The following NKAIN3 variants were observed in gnomAD, a reference collection of about 807,000 sequenced individuals.
The protein encoded by NKAIN3 is sodium/potassium transporting ATPase interacting 3.
In NKAIN3, 25 loss-of-function variants were observed where a neutral mutation model predicts 30.2. That is an observed-to-expected ratio of 0.83 (90% CI 0.60 to 1.16). The LOEUF is 1.16. Among genes scored for constraint, NKAIN3 ranks in the 50% most tolerant of loss-of-function variants. NKAIN3 has a pLI of 0.00. For synonymous variants in NKAIN3, 91 were observed against 89.6 expected (o/e 1.02, Z -0.09); for missense variants, 225 against 254.1 (o/e 0.89, Z 0.78).
intron 4 of NKAIN3, among the ~76,000 whole-genome samples, chr8:62,779,468 G>T (rs1817290298): frequency 6.6e-6 from 1 of 151,972 alleles, no homozygotes; most frequent in Admixed American, 6.6e-5. Flanking sequence ...TTCCAGTGTT[G>T]CTTTCCACTG....
At chr8:62,337,252 T>C (rs865814253) in intron 1 of NKAIN3, among the ~76,000 whole-genome samples, 1 of 152,126 alleles carries the variant, frequency 6.6e-6, no homozygotes, top group South Asian at 2.1e-4. Flanking sequence ...CTTCCTCCCA[T>C]ATTGAAAAGG....
At chr8:62,681,507 G>A (rs183493009) in intron 3 of NKAIN3, among the ~76,000 whole-genome samples, 123 of 152,236 alleles carry the variant, frequency 8.1e-4, no homozygotes, top group African/African-American at 2.7e-3. Flanking sequence ...TGGTTTACCA[G>A]TAAAACTATT....
chr8:62,482,761 T>A (rs989376044), intron 1 of NKAIN3: 1 of 152,060 alleles, frequency 6.6e-6, no homozygotes, highest in African/African-American at 2.4e-5. Flanking sequence ...CGTGCTAGAG[T>A]TCAATCATGC....
chr8:62,685,907 G>C (rs758180054), intron 3 of NKAIN3, among the ~76,000 whole-genome samples: 3 of 152,048 alleles, frequency 2.0e-5, no homozygotes, highest in Non-Finnish European at 4.4e-5. Context: ...TCTCTCCAAA[G>C]CTTTCCTCAT....
chr8:62,972,034 A>G lies in NKAIN3; in HGVS notation c.*6627A>G, dbSNP rs11993022. Among the ~76,000 whole-genome samples, 16,149 of 152,240 alleles carry G rather than the reference A, an allele frequency of 0.11. 896 individuals carry two copies. Among genetic ancestry groups the G allele is most frequent in the South Asian group, 0.17 (824 of 4,832 alleles). ...GCTTGGTCCTCATTGTGCTGCCACAATAAATTAATTCTTCTATGGTCATAA... is the reference window on the plus strand; with the variant it reads ...GCTTGGTCCTCATTGTGCTGCCACAGTAAATTAATTCTTCTATGGTCATAA... On this transcript the variant is annotated 3_prime_UTR_variant, in exon 7 of 7. Coordinates refer to ENST00000623646, the MANE Select transcript of NKAIN3 (RefSeq NM_001304533.3).
chr8:62,960,783 GA>G (rs1823550325), intron 6 of NKAIN3, among the ~76,000 whole-genome samples: 2 of 150,226 alleles, frequency 1.3e-5, no homozygotes, highest in South Asian at 4.2e-4. Flanking sequence ...AATAGAAAAA[GA>G]AACATTTACA....
At chr8:62,931,515 A>C (rs1177612586) in intron 5 of NKAIN3, among the ~76,000 whole-genome samples, 3 of 152,192 alleles carry the variant, frequency 2.0e-5, no homozygotes, top group African/African-American at 7.2e-5. Context: ...TCTATAGTTA[A>C]TTTCATGTGT....
intron 1 of NKAIN3, among the ~76,000 whole-genome samples, chr8:62,364,444 C>G (rs1336822073): frequency 6.6e-6 from 1 of 152,086 alleles, no homozygotes; most frequent in Non-Finnish European, 1.5e-5. Flanking sequence ...TTTGTTGGCC[C>G]TGCACCTAGC....
intron 1 of NKAIN3, among the ~76,000 whole-genome samples, chr8:62,488,262 C>G (rs1380013234): frequency 6.6e-6 from 1 of 152,098 alleles, no homozygotes; most frequent in African/African-American, 2.4e-5. Flanking sequence ...CTGGAAACAT[C>G]CCAGGCTCTG....
At position 62,350,751 on chromosome 8, in the gene NKAIN3, C is replaced by T. The variant is rs962154687; in HGVS notation, c.54+101624C>T. On this transcript the variant is annotated intron_variant, in intron 1 of 6. Coordinates refer to ENST00000623646, the MANE Select transcript of NKAIN3 (RefSeq NM_001304533.3). ...TGTTGCCTAGGATGGAGGGCAGTGGCGCAATCTTGGCTCACAGCAACCTCT... is the reference window on the plus strand; with the variant it reads ...TGTTGCCTAGGATGGAGGGCAGTGGTGCAATCTTGGCTCACAGCAACCTCT... Among the ~76,000 whole-genome samples the T allele has an allele frequency of 5.3e-5, 8 of 152,010 alleles. No homozygotes were observed. The East Asian group carries it at 7.7e-4, about 15-fold the overall frequency.
intron 3 of NKAIN3, among the ~76,000 whole-genome samples, chr8:62,637,130 C>T (rs1812155469): frequency 6.6e-6 from 1 of 152,150 alleles, no homozygotes. Context: ...TAACAGCAGA[C>T]ATAACTAGGT....
intron 1 of NKAIN3, among the ~76,000 whole-genome samples, chr8:62,546,512 C>A (rs1459677406): frequency 1.3e-5 from 2 of 152,266 alleles, no homozygotes; most frequent in East Asian, 3.9e-4. Context: ...CAAGTAGGCA[C>A]CCATTGTGCT....
intron 1 of NKAIN3, among the ~76,000 whole-genome samples, chr8:62,443,187 A>G (rs941099028): frequency 1.3e-5 from 2 of 151,870 alleles, no homozygotes; most frequent in African/African-American, 2.4e-5. Context: ...ACAATTGTTC[A>G]TGAACAATTG....
chr8:62,810,638 G>GTTTTTTTTTTTTTT (rs3032376), intron 4 of NKAIN3, among the ~76,000 whole-genome samples: 2 of 120,200 alleles, frequency 1.7e-5, no homozygotes, highest in Admixed American at 8.8e-5. Context: ...TAGGTAGAAA[G>GTTTTTTTTTTTTTT]TTTTTTTTTT....
At chr8:62,274,841 C>A (rs947060133) in intron 1 of NKAIN3, among the ~76,000 whole-genome samples, 2 of 150,128 alleles carry the variant, frequency 1.3e-5, no homozygotes, top group African/African-American at 2.5e-5. Context: ...TGAGAACATG[C>A]AGTGTTTGGT....
At chr8:62,591,119 A>G (rs1810637650) in intron 3 of NKAIN3, among the ~76,000 whole-genome samples, 1 of 151,938 alleles carries the variant, frequency 6.6e-6, no homozygotes, top group African/African-American at 2.4e-5. Context: ...TGCATTTTGT[A>G]TCTTGCGATT....
chr8:62,401,208 A>G (rs571714440), intron 1 of NKAIN3, among the ~76,000 whole-genome samples: 1 of 152,044 alleles, frequency 6.6e-6, no homozygotes, highest in Admixed American at 6.5e-5. Context: ...CAATGCTGCT[A>G]TTACAAGACT....
At chr8:62,486,990 C>T (rs545883269) in intron 1 of NKAIN3, among the ~76,000 whole-genome samples, 9 of 152,322 alleles carry the variant, frequency 5.9e-5, no homozygotes, top group African/African-American at 2.2e-4. Context: ...CTCCCTGAAT[C>T]TCATAAGGAC....
In NKAIN3 at chr8:62,928,578, C is replaced by A. The variant is rs187269119; in HGVS notation, c.532+10065C>A. Among the ~76,000 whole-genome samples, 310 of 152,328 alleles carry A rather than the reference C, an allele frequency of 2.0e-3. 6 individuals are homozygous for A. The highest frequency in any genetic ancestry group is 0.02 in the Admixed American group (302 of 15,302). ...TTCTCCTCCCAAGCACACAATTGTA[C>A]CATCTATCCCAGCCTCCAGGCAGTT... On this transcript the variant is annotated intron_variant, in intron 5 of 6. Transcript: ENST00000623646.
Sources: allele counts gnomAD v4.1 joint callset (sites outside exome capture counted in the v4.1 genomes callset), GRCh38; gene constraint gnomAD v4.1.1; transcripts MANE v1.5; gene names NCBI Gene and HGNC (gene_info 2026-07-23, HGNC 2026-07-21).